HPS3: variants seen among roughly 807,000 people sequenced by gnomAD.
HPS3 encodes BLOC-2 complex member HPS3.
HPS3 carries 79 observed loss-of-function variants against 110.9 expected under a neutral mutation model. The ratio of observed to expected loss-of-function variants is 0.71; its 90% CI spans 0.59 to 0.86. The LOEUF (loss-of-function observed/expected upper bound fraction) is 0.86. Ranked by LOEUF, HPS3 falls within the 40% of genes least tolerant of loss-of-function variation. The pLI is 0.00. For synonymous variants in HPS3, 428 were observed against 451.0 expected (o/e 0.95, Z 0.65); for missense variants, 1,197 against 1,206.2 (o/e 0.99, Z 0.11).
At chr3:149,154,775 A>G (rs1293062189) in intron 7 of HPS3, among the ~76,000 whole-genome samples, 3 of 152,218 alleles carry the variant, frequency 2.0e-5, no homozygotes, top group Admixed American at 1.3e-4. Flanking sequence ...TGCAGAAAAG[A>G]GCCTGGGTAT....
At position 149,141,519 on chromosome 3, in the gene HPS3, G is replaced by GT. The variant is rs373195954; in HGVS notation, c.970+150dup. The GT allele has an allele frequency of 0.11, 40,207 of 378,980 alleles. 490 individuals are homozygous for GT. The highest frequency in any genetic ancestry group is 0.17 in the South Asian group (5,748 of 33,634). The allele number at this position is 378,980 out of a possible 1,614,324, so 23.5% of individuals were successfully genotyped here. ...AGTCTCCTTGTGGCCCTTTAACAAA[G>GT]TTTTTTTTTTTGTTTTTTTTTTTTT... On this transcript the variant is annotated intron_variant, in intron 4 of 16. Coordinates refer to ENST00000296051, the MANE Select transcript of HPS3 (RefSeq NM_032383.5).
chr3:149,137,285 C>T (rs1482685811), intron 1 of HPS3, among the ~76,000 whole-genome samples: 1 of 152,204 alleles, frequency 6.6e-6, no homozygotes, highest in African/African-American at 2.4e-5. Context: ...TAGCACCTCA[C>T]ACCCATTAGT....
chr3:149,132,652 G>A (rs1439591068), intron 1 of HPS3, among the ~76,000 whole-genome samples: 1 of 152,230 alleles, frequency 6.6e-6, no homozygotes, highest in African/African-American at 2.4e-5. Flanking sequence ...GGATCAAGTA[G>A]TAATTTTGAC....
chr3:149,151,222 C>A (rs1723093305), intron 6 of HPS3, among the ~76,000 whole-genome samples: 2 of 149,988 alleles, frequency 1.3e-5, no homozygotes, highest in Non-Finnish European at 1.5e-5. Context: ...TCTGCAGAGA[C>A]AGGTTTTGCC....
intron 12 of HPS3, 87 bp downstream of exon 12, chr3:149,162,420 A>G: frequency 1.6e-6 from 2 of 1,278,496 alleles, no homozygotes; most frequent in Non-Finnish European, 2.3e-6. Context: ...TGAGTTTTTC[A>G]TTTGTTTGTT....
chr3:149,162,716 A>G lies in HPS3; in HGVS notation c.2319A>G (p.Thr773=). ...FKVLCAKDED[T]IPQLLVDFWE... Reference sequence around the variant, plus strand: ...TGCTTTGTGCTAAGGATGAAGATACAATTCCTCAGCTCTTGGTAGACTTTT... The same window carrying G: ...TGCTTTGTGCTAAGGATGAAGATACGATTCCTCAGCTCTTGGTAGACTTTT... The change falls in exon 13 of 17, where the codon ACA becomes ACG. Residue 773 remains threonine, a synonymous_variant. Transcript: ENST00000296051. 6.2e-7 allele frequency: 1 copy of G among 1,614,030 alleles called. No homozygotes were observed. The highest frequency in any genetic ancestry group is 2.2e-5 in the East Asian group (1 of 44,876).
At chr3:149,163,814 G>A (rs200155649) in intron 13 of HPS3, 28 bp from the exon 14 acceptor site, 2 of 1,212,174 alleles carry the variant, frequency 1.6e-6, no homozygotes, top group African/African-American at 1.5e-5. Context: ...GTTATATTTT[G>A]TTTATGAGAA....
chr3:149,167,103 A>G lies in HPS3; in HGVS notation c.2659A>G (p.Thr887Ala). Reference protein sequence around the residue: ...IPFLEPLSEDTIAGLSVHVLC... With the variant: ...IPFLEPLSEDAIAGLSVHVLC... The stretch of plus-strand genomic sequence containing the variant: ...GTTCTTGGAGCCACTTTCAGAAGAC[A>G]CTATTGCCGGCCTCAGTGTCCATGT... Residue 887 changes from threonine to alanine, a missense_variant, in exon 15 of 17, where the codon ACT (threonine) becomes GCT (alanine). Coordinates refer to ENST00000296051, the MANE Select transcript of HPS3 (RefSeq NM_032383.5). The G allele has an allele frequency of 2.5e-6, 4 of 1,613,944 alleles. 1 individual carries two copies. The highest frequency in any genetic ancestry group is 2.5e-6 in the Non-Finnish European group (3 of 1,179,814).
intron 1 of HPS3, among the ~76,000 whole-genome samples, chr3:149,134,651 T>A (rs527429121): frequency 4.4e-4 from 67 of 152,080 alleles, no homozygotes; most frequent in Non-Finnish European, 5.9e-4. Flanking sequence ...TTGGGGTGAG[T>A]CAGATATTTA....
At chr3:149,133,203 T>C (rs115820029) in intron 1 of HPS3, among the ~76,000 whole-genome samples, 3,149 of 152,360 alleles carry the variant, frequency 0.021, 119 homozygotes, top group African/African-American at 0.072. Context: ...GGTAAAATGC[T>C]ATCAAATAGC....
intron 1 of HPS3, 197 bp downstream of exon 1, chr3:149,130,137 G>A: frequency 5.0e-6 from 3 of 598,442 alleles, no homozygotes; most frequent in Non-Finnish European, 8.9e-6. Flanking sequence ...GCAAGCATAG[G>A]TATGAGCTTG....
At position 149,167,955 on chromosome 3, in the gene HPS3, G is replaced by A. The variant is rs149669748; in HGVS notation, c.2859G>A (p.Lys953=). 4 of 1,591,970 alleles carry A rather than the reference G, an allele frequency of 2.5e-6. No individual in the cohort carries two copies. The highest frequency in any genetic ancestry group is 1.3e-5 in the African/African-American group (1 of 74,424). The stretch of plus-strand genomic sequence containing the variant: ...AGAGAATAAAATGTGGTGGAGAGAA[G>A]TATCAACTCTACCTGTCATCATTAA... ...LCQRIKCGGE[K]YQLYLSSLKE... is the part of the protein sequence containing the mutation. Residue 953 remains lysine, a synonymous_variant, in exon 16 of 17, where the codon AAG becomes AAA. Coordinates refer to ENST00000296051, the MANE Select transcript of HPS3 (RefSeq NM_032383.5).
rs1723931677 is a variant in HPS3 at position 149,162,244 on chromosome 3, G to A, written c.2203G>A (p.Glu735Lys). Residue 735 changes from glutamate (E) to lysine (K), a missense_variant, in exon 12 of 17, where the codon GAA (glutamate) becomes AAA (lysine). Glu to Lys is a moderately conservative substitution (Grantham distance 56). Transcript: ENST00000296051. ...VPTELALHLK[E>K]TQPGLLVASV... Reference sequence around the variant, plus strand: ...AACCGAGCTTGCACTTCACTTGAAGGAAACTCAGCCTGGATTGCTTGTGGC... The same window carrying A: ...AACCGAGCTTGCACTTCACTTGAAGAAAACTCAGCCTGGATTGCTTGTGGC... The A allele has an allele frequency of 1.2e-6, 2 of 1,614,030 alleles. No homozygotes were observed. Among genetic ancestry groups the A allele is most frequent in the Non-Finnish European group, 1.7e-6 (2 of 1,179,944 alleles).
chr3:149,151,700 C>CA (rs1723136012), intron 6 of HPS3, among the ~76,000 whole-genome samples: 1 of 145,850 alleles, frequency 6.9e-6, no homozygotes, highest in Non-Finnish European at 1.5e-5. Context: ...CTCAGAAATA[C>CA]ACTGATCATT....
rs374839757 is a variant in HPS3 at position 149,172,318 on chromosome 3, T to TATCACACA, written c.*96_*97insATCACACA. On this transcript the variant is annotated 3_prime_UTR_variant, in exon 17 of 17. Transcript: ENST00000296051. ...GTAGAGGAGTTTTTTATTTTATATA[T>TATCACACA]CACACACACACACACACACACACAC... The TATCACACA allele has an allele frequency of 7.0e-6, 4 of 571,846 alleles. No individual in the cohort carries two copies. The highest frequency in any genetic ancestry group is 3.4e-5 in the South Asian group (2 of 58,216). The allele number at this position is 571,846 out of a possible 1,614,324, so 35.4% of individuals were successfully genotyped here. A position where few individuals can be genotyped will look rare whatever the true frequency, so the allele number is the denominator to read the frequency against.
At chr3:149,139,973 A>G (rs1286126557) in intron 1 of HPS3, 31 bp from the exon 2 acceptor site, 11 of 1,598,336 alleles carry the variant, frequency 6.9e-6, no homozygotes, top group South Asian at 3.3e-5. Flanking sequence ...TCTAATTACA[A>G]ATTCTCAGTA....
chr3:149,131,393 T>C (rs1486018606), intron 1 of HPS3, among the ~76,000 whole-genome samples: 1 of 152,222 alleles, frequency 6.6e-6, no homozygotes, highest in African/African-American at 2.4e-5. Flanking sequence ...TCACACTGCA[T>C]GTGCTCACTA....
chr3:149,155,531 C>T (rs1723406060), intron 8 of HPS3, among the ~76,000 whole-genome samples: 1 of 151,814 alleles, frequency 6.6e-6, no homozygotes, highest in Non-Finnish European at 1.5e-5. Flanking sequence ...AGAAATGGAG[C>T]AAATAAATAA....
At chr3:149,152,536 C>T (rs940833179) in intron 6 of HPS3, among the ~76,000 whole-genome samples, 4 of 152,178 alleles carry the variant, frequency 2.6e-5, no homozygotes, top group Non-Finnish European at 4.4e-5. Flanking sequence ...TGGGACTCCA[C>T]CAGTTCTGAA....
Sources: allele counts gnomAD v4.1 joint callset (sites outside exome capture counted in the v4.1 genomes callset), GRCh38; gene constraint gnomAD v4.1.1; transcripts MANE v1.5; gene names NCBI Gene and HGNC (gene_info 2026-07-23, HGNC 2026-07-21).